The following TMTC4 variants were observed in gnomAD, a reference collection of about 807,000 sequenced individuals.
TMTC4 encodes protein O-mannosyl-transferase TMTC4.
A neutral mutation model predicts 86.0 loss-of-function variants in TMTC4; 65 were observed. That is an observed-to-expected ratio of 0.76 (90% CI 0.62 to 0.93). The LOEUF is 0.93. Ranked by LOEUF, TMTC4 falls within the 40% of genes least tolerant of loss-of-function variation. The pLI is 0.00. For missense variants in TMTC4, 866 were observed against 948.1 expected (o/e 0.91, Z 1.14); for synonymous variants, 379 against 382.5 (o/e 0.99, Z 0.11).
intron 10 of TMTC4, among the ~76,000 whole-genome samples, chr13:100,636,232 G>A (rs1258741923): frequency 2.0e-5 from 3 of 152,112 alleles, no homozygotes; most frequent in Non-Finnish European, 4.4e-5. Flanking sequence ...TCTCTGTTCT[G>A]ACCGTAAATT....
upstream of TMTC4, chr13:100,675,033 A>G: frequency 1.0e-6 from 1 of 985,626 alleles, no homozygotes; most frequent in South Asian, 4.7e-5. Context: ...AGGGGGCGCT[A>G]GTCGGCGGCG....
At chr13:100,607,256 C>A (rs746958398) in intron 17 of TMTC4, among the ~76,000 whole-genome samples, 15 of 152,204 alleles carry the variant, frequency 9.9e-5, no homozygotes, top group Non-Finnish European at 2.2e-4. Flanking sequence ...GTGGCTCATG[C>A]CTGTAATCCC....
chr13:100,612,650 G>T, intron 16 of TMTC4, 140 bp from the exon 17 acceptor site: 677 of 460,450 alleles, frequency 1.5e-3, no homozygotes, highest in East Asian at 3.8e-3. Context: ...TGTAGATCAT[G>T]TAATACACAC....
rs9585474 is a variant in TMTC4 at position 100,630,027 on chromosome 13, A to G, written c.1507-3877T>C. On this transcript the variant is annotated intron_variant, in intron 12 of 18. Transcript: ENST00000342624. The stretch of plus-strand genomic sequence containing the variant: ...GGTCTAAGCCACCCAATCTGTGTGT[A>G]TGTGTGTGTGTGTGTGTGTGTGTGT... Among the ~76,000 whole-genome samples, 1,128 of 46,132 alleles carry G rather than the reference A, an allele frequency of 0.024. 22 individuals carry two copies. The East Asian group carries it at 0.31, about 13-fold the overall frequency. The allele number at this position is 46,132 out of a possible 152,430, so 30.3% of individuals were successfully genotyped here. A position where few individuals can be genotyped will look rare whatever the true frequency, so the allele number is the denominator to read the frequency against.
chr13:100,612,440 C>T lies in TMTC4; in HGVS notation c.2022G>A (p.Met674Ile). The change falls in exon 17 of 19, where the codon ATG becomes ATA. Residue 674 changes from methionine to isoleucine, a missense_variant. By Grantham distance (10) the Met-to-Ile change is conservative. Transcript: ENST00000342624. ...TCCCCAGCACGTTTGCCAACGAGAA[C>T]ATGAGAGAGTGATCATTAGGTATTA... Reference protein sequence around the residue: ...LELIPNDHSLMFSLANVLGKS... With the variant: ...LELIPNDHSLIFSLANVLGKS... 6.2e-7 allele frequency: 1 copy of T among 1,611,322 alleles called. No individual in the cohort carries two copies. Among genetic ancestry groups the T allele is most frequent in the Non-Finnish European group, 8.5e-7 (1 of 1,179,130 alleles).
intron 1 of TMTC4, among the ~76,000 whole-genome samples, chr13:100,672,249 G>A (rs377051934): frequency 8.5e-5 from 13 of 152,342 alleles, no homozygotes; most frequent in African/African-American, 1.4e-4. Flanking sequence ...GTAGCCCATC[G>A]GGTGACCTGG....
In TMTC4 at chr13:100,605,951, G is replaced by C. The variant is rs1008662911; in HGVS notation, c.2134+407C>G. 6.6e-6 allele frequency among the ~76,000 whole-genome samples: 1 copy of C among 152,186 alleles called. No individual in the cohort carries two copies. The highest frequency in any genetic ancestry group is 6.5e-5 in the Admixed American group (1 of 15,270). ...AAGAGGATATAAAGCAGAAGACCAG[G>C]CTGGAAGGGGAAGGTCTACTCTGTA... On this transcript the variant is annotated intron_variant, in intron 18 of 18. Transcript: ENST00000342624. This position sits in a 1 kb window ranked among gnomAD's most constrained non-coding sequence, Gnocchi z 4.3.
chr13:100,642,064 A>G (rs1409437021), intron 7 of TMTC4, 147 bp downstream of exon 7: 30 of 697,714 alleles, frequency 4.3e-5, no homozygotes, highest in Non-Finnish European at 6.3e-5. Flanking sequence ...AGCGAAAGCC[A>G]TTTGTCCAGA....
intron 6 of TMTC4, among the ~76,000 whole-genome samples, chr13:100,646,341 C>T (rs896825423): frequency 8.5e-5 from 13 of 152,210 alleles, no homozygotes; most frequent in African/African-American, 3.1e-4. Flanking sequence ...TATCTACTCT[C>T]TATCAAAAGG....
At chr13:100,663,765 C>T (rs182050360) in intron 4 of TMTC4, among the ~76,000 whole-genome samples, 6 of 152,216 alleles carry the variant, frequency 3.9e-5, no homozygotes, top group Admixed American at 1.3e-4. Context: ...CAGGTATGGA[C>T]GAGAACCTTT....
intron 7 of TMTC4, among the ~76,000 whole-genome samples, chr13:100,639,278 C>T (rs1484526256): frequency 6.6e-6 from 1 of 152,216 alleles, no homozygotes; most frequent in Non-Finnish European, 1.5e-5. Flanking sequence ...CACTAATTAT[C>T]TAATACATGG....
chr13:100,629,384 C>A (rs147862298), intron 12 of TMTC4, among the ~76,000 whole-genome samples: 102 of 152,126 alleles, frequency 6.7e-4, no homozygotes, highest in Non-Finnish European at 1.3e-3. Flanking sequence ...AGCGGTGTTG[C>A]GTGCTGTGTG....
chr13:100,640,095 T>TTGCTGA (rs2138899070), intron 7 of TMTC4, among the ~76,000 whole-genome samples: 1 of 152,214 alleles, frequency 6.6e-6, no homozygotes, highest in East Asian at 1.9e-4. Context: ...CTCCCAGATA[T>TTGCTGA]TGCTGATGCT....
At chr13:100,654,741 A>G (rs1261908992) in intron 6 of TMTC4, among the ~76,000 whole-genome samples, 2 of 152,164 alleles carry the variant, frequency 1.3e-5, no homozygotes, top group African/African-American at 4.8e-5. Context: ...CACTCGATGG[A>G]AGAGTGTTTA....
intron 15 of TMTC4, among the ~76,000 whole-genome samples, chr13:100,616,106 T>C (rs1056602307): frequency 6.6e-6 from 1 of 152,152 alleles, no homozygotes; most frequent in Non-Finnish European, 1.5e-5. Flanking sequence ...ATGGTGTATA[T>C]GTACCACATT....
Position 100,674,493 on chromosome 13 carries a change from G to A in TMTC4, c.-208+251C>T, listed in dbSNP as rs1268402547. ...AAGCTCAGGGGCCCGAGCGCGGCGG[G>A]CGGGGCGCGCAGCCTCCACGCCGCG... On this transcript the variant is annotated intron_variant, in intron 1 of 18. Transcript: ENST00000342624. 11 of 958,836 alleles carry A rather than the reference G, an allele frequency of 1.1e-5. No individual in the cohort carries two copies. In the South Asian group the frequency reaches 2.4e-4, roughly 21 times the overall value. 59.4% of individuals were successfully genotyped at this position (958,836 alleles called of 1,614,324 possible). A position where few individuals can be genotyped will look rare whatever the true frequency, so the allele number is the denominator to read the frequency against.
At chr13:100,640,268 G>A (rs1363150989) in intron 7 of TMTC4, among the ~76,000 whole-genome samples, 3 of 151,952 alleles carry the variant, frequency 2.0e-5, no homozygotes, top group Non-Finnish European at 4.4e-5. Context: ...GACCAGGGAC[G>A]CCACTAAACA....
At chr13:100,654,999 G>C (rs1369305875) in intron 6 of TMTC4, among the ~76,000 whole-genome samples, 1 of 146,078 alleles carries the variant, frequency 6.8e-6, no homozygotes, top group Non-Finnish European at 1.5e-5. Flanking sequence ...TTGTCTTTGA[G>C]AAAAGCCACA....
chr13:100,628,370 C>T (rs2138825124), intron 12 of TMTC4, among the ~76,000 whole-genome samples: 1 of 148,688 alleles, frequency 6.7e-6, no homozygotes, highest in South Asian at 2.1e-4. Flanking sequence ...CATGAGTACA[C>T]CACATTCTGT....
Sources: allele counts gnomAD v4.1 joint callset (sites outside exome capture counted in the v4.1 genomes callset), GRCh38; gene constraint gnomAD v4.1.1; non-coding constraint Gnocchi (gnomAD v3.1); transcripts MANE v1.5; gene names NCBI Gene and HGNC (gene_info 2026-07-23, HGNC 2026-07-21).